The following MAPK10 variants were observed in gnomAD, a reference collection of about 807,000 sequenced individuals.
The protein encoded by MAPK10 is JNK3 alpha protein kinase.
A neutral mutation model predicts 59.3 loss-of-function variants in MAPK10; 25 were observed. That is an observed-to-expected ratio of 0.42 (90% CI 0.31 to 0.59). The LOEUF is 0.59. Ranked by LOEUF, MAPK10 falls within the 20% of genes least tolerant of loss-of-function variation. The pLI is 0.15. For missense variants in MAPK10, 351 were observed against 568.9 expected (o/e 0.62, Z 3.90); for synonymous variants, 190 against 200.5 (o/e 0.95, Z 0.44).
intron 2 of MAPK10, among the ~76,000 whole-genome samples, chr4:86,273,729 A>C (rs1406813018): frequency 6.6e-6 from 1 of 151,968 alleles, no homozygotes; most frequent in Admixed American, 6.6e-5. Flanking sequence ...CTTTCTATTA[A>C]AATAACTTAG....
intron 2 of MAPK10, among the ~76,000 whole-genome samples, chr4:86,338,559 T>C (rs924852317): frequency 6.6e-6 from 1 of 152,210 alleles, no homozygotes; most frequent in Admixed American, 6.5e-5. Flanking sequence ...CTTCAGATTC[T>C]GCATTCACAT....
rs192200619 is a variant in MAPK10 at position 86,141,594 on chromosome 4, G to T, written c.236+17704C>A. On this transcript the variant is annotated intron_variant, in intron 4 of 13. Coordinates refer to ENST00000641462, the MANE Select transcript of MAPK10 (RefSeq NM_138982.4). The stretch of plus-strand genomic sequence containing the variant: ...AACAGAAAGAAAAGCCATTCCTGGG[G>T]TAATAATAATATAGGCCTGGATATT... Among the ~76,000 whole-genome samples the T allele has an allele frequency of 4.3e-4, 66 of 152,242 alleles. 1 individual carries two copies. In the South Asian group the frequency reaches 0.013, roughly 30 times the overall value.
At chr4:86,328,476 C>T (rs1406749403) in intron 2 of MAPK10, among the ~76,000 whole-genome samples, 3 of 152,066 alleles carry the variant, frequency 2.0e-5, no homozygotes, top group Non-Finnish European at 2.9e-5. Context: ...AGAAATACCA[C>T]GTGACCCAGC....
intron 2 of MAPK10, among the ~76,000 whole-genome samples, chr4:86,218,233 T>C (rs1321799361): frequency 6.6e-6 from 1 of 152,118 alleles, no homozygotes; most frequent in Admixed American, 6.5e-5. Flanking sequence ...AGACGGAGTC[T>C]CACGCTGTCA....
intron 1 of MAPK10, among the ~76,000 whole-genome samples, chr4:86,572,469 C>T (rs953686013): frequency 5.9e-5 from 9 of 152,118 alleles, no homozygotes; most frequent in African/African-American, 1.9e-4. Context: ...TTGTAGGCAC[C>T]ACTGGGTCCC....
intron 2 of MAPK10, among the ~76,000 whole-genome samples, chr4:86,217,835 G>T (rs1303324198): frequency 6.6e-6 from 1 of 151,942 alleles, no homozygotes; most frequent in Non-Finnish European, 1.5e-5. Context: ...TGATAGATCA[G>T]TAAATAACAG....
At chr4:86,036,816 G>T (rs1033434160) in intron 11 of MAPK10, among the ~76,000 whole-genome samples, 1 of 152,062 alleles carries the variant, frequency 6.6e-6, no homozygotes, top group African/African-American at 2.4e-5. Context: ...TAGCACTTAC[G>T]CCCTTCGCTC....
chr4:86,561,850 T>C (rs1425836531), intron 1 of MAPK10, among the ~76,000 whole-genome samples: 1 of 152,158 alleles, frequency 6.6e-6, no homozygotes, highest in Non-Finnish European at 1.5e-5. Context: ...ATATAAACTG[T>C]TTCTTCTTTT....
intron 2 of MAPK10, among the ~76,000 whole-genome samples, chr4:86,201,147 T>A (rs181209192): frequency 6.8e-4 from 103 of 152,066 alleles, no homozygotes; most frequent in Non-Finnish European, 1.4e-3. Context: ...GTCCTCCAGT[T>A]CTGTCCATGT....
chr4:86,499,958 C>T (rs975366898), intron 1 of MAPK10, among the ~76,000 whole-genome samples: 2 of 152,136 alleles, frequency 1.3e-5, no homozygotes, highest in African/African-American at 2.4e-5. Flanking sequence ...CTATGGATGG[C>T]GAAGAAAACT....
intron 3 of MAPK10, among the ~76,000 whole-genome samples, chr4:86,185,523 T>C (rs1370346440): frequency 6.6e-6 from 1 of 152,172 alleles, no homozygotes; most frequent in East Asian, 1.9e-4. Context: ...GGTCTTTCTC[T>C]TTTGTTTTAG....
At chr4:86,096,496 G>A (rs888056558) in intron 9 of MAPK10, among the ~76,000 whole-genome samples, 3 of 151,872 alleles carry the variant, frequency 2.0e-5, no homozygotes, top group African/African-American at 7.2e-5. Flanking sequence ...TAAGATCTCA[G>A]AGAACAACCT....
At chr4:86,214,215 AAATAG>A (rs2086696068) in intron 2 of MAPK10, among the ~76,000 whole-genome samples, 1 of 152,046 alleles carries the variant, frequency 6.6e-6, no homozygotes, top group Non-Finnish European at 1.5e-5. Flanking sequence ...AACAAACTAA[AAATAG>A]AATGAAACTA....
intron 1 of MAPK10, among the ~76,000 whole-genome samples, chr4:86,466,752 G>A (rs1368661216): frequency 6.6e-6 from 1 of 152,134 alleles, no homozygotes; most frequent in Non-Finnish European, 1.5e-5. Flanking sequence ...GAACAAAAGA[G>A]GGTTTGGGAC....
At chr4:86,562,225 G>A (rs1760732560) in intron 1 of MAPK10, among the ~76,000 whole-genome samples, 1 of 152,178 alleles carries the variant, frequency 6.6e-6, no homozygotes, top group South Asian at 2.1e-4. Context: ...GCTACAGTGA[G>A]CTGTGATCAT....
intron 1 of MAPK10, among the ~76,000 whole-genome samples, chr4:86,497,270 G>C (rs1304023306): frequency 1.3e-5 from 2 of 152,178 alleles, no homozygotes; most frequent in African/African-American, 2.4e-5. Context: ...CATTGTCAAT[G>C]CCTGGAAGAT....
intron 1 of MAPK10, among the ~76,000 whole-genome samples, chr4:86,420,206 TG>T (rs1345932655): frequency 6.6e-6 from 1 of 152,226 alleles, no homozygotes; most frequent in African/African-American, 2.4e-5. Context: ...ACAAGTTGAC[TG>T]TTGTGGTCAC....
At chr4:86,454,428 A>C (rs2149057527), upstream of MAPK10, among the ~76,000 whole-genome samples, 1 of 152,242 alleles carries the variant, frequency 6.6e-6, no homozygotes, top group African/African-American at 2.4e-5. Flanking sequence ...AAAACAATCA[A>C]AACTTCGGGA....
Position 86,015,505 on chromosome 4 carries a change from G to A in MAPK10, c.*1723C>T, listed in dbSNP as rs1742990169. On this transcript the variant is annotated 3_prime_UTR_variant, in exon 14 of 14. Coordinates refer to ENST00000641462, the MANE Select transcript of MAPK10 (RefSeq NM_138982.4). ...TGGTCAGAGTGCAAATAACTGTGAT[G>A]GATACTTCGAAGTGAATAAGAAGGG... 6.6e-6 allele frequency: 1 copy of A among 152,118 alleles called. No individual in the cohort carries two copies. Among genetic ancestry groups the A allele is most frequent in the Non-Finnish European group, 1.5e-5 (1 of 68,024 alleles). The allele number at this position is 152,118 out of a possible 1,614,324, so 9.4% of individuals were successfully genotyped here.
Sources: allele counts gnomAD v4.1 joint callset (sites outside exome capture counted in the v4.1 genomes callset), GRCh38; gene constraint gnomAD v4.1.1; transcripts MANE v1.5; gene names NCBI Gene and HGNC (gene_info 2026-07-23, HGNC 2026-07-21).